The following MAPRE2 variants were observed in gnomAD, a reference collection of about 807,000 sequenced individuals.
MAPRE2 encodes the protein microtubule-associated protein RP/EB family member 2.
A neutral mutation model predicts 43.2 loss-of-function variants in MAPRE2; 13 were observed. The observed-to-expected ratio is 0.30, with a 90% CI of 0.20 to 0.48. The LOEUF (loss-of-function observed/expected upper bound fraction) is 0.48, where lower values mean the gene tolerates loss of function less well. Ranked by LOEUF, MAPRE2 falls within the 20% of genes least tolerant of loss-of-function variation. MAPRE2 has a pLI of 0.99. For missense variants in MAPRE2, 161 were observed against 400.2 expected (o/e 0.40, Z 5.10); for synonymous variants, 135 against 148.8 (o/e 0.91, Z 0.68).
intron 1 of MAPRE2, among the ~76,000 whole-genome samples, chr18:35,060,401 G>A (rs549009958): frequency 1.3e-5 from 2 of 152,290 alleles, no homozygotes; most frequent in East Asian, 3.9e-4. Context: ...GAGCATGGAC[G>A]AAGCCACCCA....
rs974026108 is a variant in MAPRE2 at position 35,077,275 on chromosome 18, A to G, written c.250+6953A>G. On this transcript the variant is annotated intron_variant, in intron 2 of 6. Transcript: ENST00000300249. ...CACACACACACACACACACACATAC[A>G]CACACACACACACACAATTGGTACA... is the stretch of plus-strand genomic sequence containing the variant. Among the ~76,000 whole-genome samples the G allele has an allele frequency of 4.5e-4, 63 of 139,494 alleles. No individual in the cohort carries two copies. In the East Asian group the frequency reaches 9.5e-3, roughly 21 times the overall value. The allele number at this position is 139,494 out of a possible 152,430, so 91.5% of individuals were successfully genotyped here. A position where few individuals can be genotyped will look rare whatever the true frequency, so the allele number is the denominator to read the frequency against.
intron 2 of MAPRE2, among the ~76,000 whole-genome samples, chr18:35,009,243 G>A (rs187618086): frequency 2.0e-5 from 3 of 152,216 alleles, no homozygotes; most frequent in Admixed American, 6.5e-5. Context: ...AGGTGAGTTG[G>A]TGTGGAATAC....
intron 1 of MAPRE2, among the ~76,000 whole-genome samples, chr18:35,068,204 T>C (rs1906928590): frequency 6.6e-6 from 1 of 152,228 alleles, no homozygotes; most frequent in Non-Finnish European, 1.5e-5. Flanking sequence ...AAAACCTATA[T>C]ACTATAGATT....
intron 1 of MAPRE2, among the ~76,000 whole-genome samples, chr18:34,992,872 C>T (rs1387016979): frequency 6.6e-6 from 1 of 152,184 alleles, no homozygotes; most frequent in Non-Finnish European, 1.5e-5. Context: ...CCTGAGCTCA[C>T]GTTTCCCTGT....
In MAPRE2 at chr18:35,009,758, G is replaced by A. The variant is rs58237806; in HGVS notation, c.-8+4205G>A. 1.9e-3 allele frequency among the ~76,000 whole-genome samples: 288 copies of A among 152,242 alleles called. 12 individuals are homozygous for A. The East Asian group carries it at 0.041, about 22-fold the overall frequency. ...ATGGAAGTAAATCACTAAAAATTGTGGGTTTCATTTGTGTTTTGTCTTTAA... is the reference window on the plus strand; with the variant it reads ...ATGGAAGTAAATCACTAAAAATTGTAGGTTTCATTTGTGTTTTGTCTTTAA... On this transcript the variant is annotated intron_variant, in intron 2 of 7. Coordinates refer to the MAPRE2 transcript ENST00000413393.
intron 2 of MAPRE2, among the ~76,000 whole-genome samples, chr18:35,091,724 G>A (rs1908159614): frequency 6.6e-6 from 1 of 150,396 alleles, no homozygotes; most frequent in South Asian, 2.1e-4. Flanking sequence ...CACGGCATCT[G>A]TATTTAAAAA....
At chr18:35,076,931 CAG>C (rs1907385186) in intron 2 of MAPRE2, among the ~76,000 whole-genome samples, 3 of 152,168 alleles carry the variant, frequency 2.0e-5, no homozygotes, top group African/African-American at 7.2e-5. Context: ...AACAGACCTA[CAG>C]ATATATCCCT....
chr18:35,125,485 G>T (rs1216552807), intron 4 of MAPRE2, among the ~76,000 whole-genome samples: 1 of 152,242 alleles, frequency 6.6e-6, no homozygotes, highest in African/African-American at 2.4e-5. Flanking sequence ...ACGCACTGGG[G>T]TTACAAAGAT....
intron 1 of MAPRE2, among the ~76,000 whole-genome samples, chr18:34,995,808 G>T (rs967390237): frequency 2.0e-5 from 3 of 152,184 alleles, no homozygotes; most frequent in African/African-American, 7.2e-5. Context: ...CCAAGCGCAT[G>T]TTAATCTGTC....
chr18:35,099,999 A>C (rs1267376772), intron 3 of MAPRE2, among the ~76,000 whole-genome samples: 2 of 152,180 alleles, frequency 1.3e-5, no homozygotes, highest in Admixed American at 6.5e-5. Context: ...TAGCTCCCAC[A>C]GTGGCAAAGC....
chr18:35,071,026 T>C (rs1261990229), intron 2 of MAPRE2, among the ~76,000 whole-genome samples: 4 of 152,190 alleles, frequency 2.6e-5, no homozygotes, highest in Non-Finnish European at 5.9e-5. Context: ...CACGTCGTGT[T>C]AGGATGTCTA....
intron 1 of MAPRE2, among the ~76,000 whole-genome samples, chr18:34,991,595 A>G (rs1473655081): frequency 6.6e-6 from 1 of 151,978 alleles, no homozygotes; most frequent in African/African-American, 2.4e-5. Context: ...CTTACCCATC[A>G]CCATGGACAC....
In MAPRE2 at chr18:35,006,027, T is replaced by A. The variant is rs115390649; in HGVS notation, c.-8+474T>A. ...ATGACGAACCTGGAAAGCCTCATTT[T>A]TTTCTGTCTGGGATTTGTCTTTGAG... On this transcript the variant is annotated intron_variant, in intron 2 of 7. Transcript: ENST00000413393. 9.4e-3 allele frequency among the ~76,000 whole-genome samples: 1,427 copies of A among 152,298 alleles called. 23 individuals carry two copies. Among genetic ancestry groups the A allele is most frequent in the African/African-American group, 0.033 (1,353 of 41,560 alleles).
chr18:35,142,054 G>A lies in MAPRE2; in HGVS notation c.*1685G>A, dbSNP rs1448471270. On this transcript the variant is annotated 3_prime_UTR_variant, in exon 7 of 7. Transcript: ENST00000300249. The stretch of plus-strand genomic sequence containing the variant: ...CAGAATTAGACAGATGTTCCGTGGT[G>A]TTTGGTTTCCCTTTCTTCTCTCTCC... 1.3e-5 allele frequency: 2 copies of A among 152,210 alleles called. No homozygotes were observed. Among genetic ancestry groups the A allele is most frequent in the Non-Finnish European group, 2.9e-5 (2 of 68,050 alleles). The allele number at this position is 152,210 out of a possible 1,614,324, so 9.4% of individuals were successfully genotyped here. A position where few individuals can be genotyped will look rare whatever the true frequency, so the allele number is the denominator to read the frequency against.
At chr18:35,069,414 T>A (rs1906998321) in intron 1 of MAPRE2, among the ~76,000 whole-genome samples, 1 of 152,086 alleles carries the variant, frequency 6.6e-6, no homozygotes, top group South Asian at 2.1e-4. Context: ...AGAGACACAC[T>A]GAAACACTTA....
upstream of MAPRE2, among the ~76,000 whole-genome samples, chr18:35,040,128 A>C (rs2097052860): frequency 1.3e-5 from 2 of 152,184 alleles, no homozygotes; most frequent in Admixed American, 1.3e-4. Context: ...ACTAGAACCC[A>C]GGAGGCGGAG....
At chr18:35,020,336 T>C (rs1012947944) in intron 2 of MAPRE2, among the ~76,000 whole-genome samples, 2 of 152,164 alleles carry the variant, frequency 1.3e-5, no homozygotes, top group East Asian at 3.8e-4. Flanking sequence ...TATTCTGTTA[T>C]GATTTTTCAA....
At position 35,035,334 on chromosome 18, in the gene MAPRE2, G is replaced by A. The variant is rs562579988; in HGVS notation, c.-8+29781G>A. On this transcript the variant is annotated intron_variant, in intron 2 of 7. Transcript: ENST00000413393. ...CAATGAGAACACATGGACAAAGGAG[G>A]GGGAACATCACACTCTGGGGACGGT... Among the ~76,000 whole-genome samples the A allele has an allele frequency of 3.6e-3, 539 of 151,342 alleles. 1 individual carries two copies. Among genetic ancestry groups the A allele is most frequent in the Non-Finnish European group, 4.7e-3 (316 of 67,848 alleles).
intron 1 of MAPRE2, chr18:34,978,315 G>A: frequency 3.1e-6 from 2 of 641,112 alleles, no homozygotes; most frequent in Non-Finnish European, 5.6e-6. Context: ...AGGGTTAAGC[G>A]CTCAAACCCG....
Sources: allele counts gnomAD v4.1 joint callset (sites outside exome capture counted in the v4.1 genomes callset), GRCh38; gene constraint gnomAD v4.1.1; transcripts MANE v1.5; gene names NCBI Gene and HGNC (gene_info 2026-07-23, HGNC 2026-07-21).